The following CNTNAP5 variants were observed in gnomAD, a reference collection of about 807,000 sequenced individuals.
CNTNAP5 encodes contactin-associated protein-like 5.
In CNTNAP5, 72 loss-of-function variants were observed where a neutral mutation model predicts 150.2. The ratio of observed to expected loss-of-function variants is 0.48; its 90% CI spans 0.40 to 0.58. The LOEUF (loss-of-function observed/expected upper bound fraction) is 0.58. Ranked by LOEUF, CNTNAP5 falls within the 20% of genes least tolerant of loss-of-function variation. The pLI is 0.00. For missense variants in CNTNAP5, 1,636 were observed against 1,626.2 expected (o/e 1.01, Z -0.10); for synonymous variants, 672 against 619.8 (o/e 1.08, Z -1.25).
intron 1 of CNTNAP5, among the ~76,000 whole-genome samples, chr2:124,196,142 T>A (rs1038683515): frequency 7.9e-5 from 12 of 152,098 alleles, no homozygotes; most frequent in Admixed American, 3.9e-4. Context: ...TCAAGCTACA[T>A]GCACAATGGC....
chr2:124,129,155 T>C (rs1332523499), intron 1 of CNTNAP5, among the ~76,000 whole-genome samples: 2 of 152,126 alleles, frequency 1.3e-5, no homozygotes, highest in African/African-American at 4.8e-5. Context: ...TTGCGTTTAA[T>C]ACAACTAGAT....
At chr2:124,547,479 G>T (rs780094408) in intron 10 of CNTNAP5, among the ~76,000 whole-genome samples, 1 of 152,166 alleles carries the variant, frequency 6.6e-6, no homozygotes, top group Non-Finnish European at 1.5e-5. Context: ...ATGCAAAAGC[G>T]AGAGCCAGTA....
chr2:124,813,207 G>A (rs1682276581), intron 19 of CNTNAP5, among the ~76,000 whole-genome samples: 1 of 151,874 alleles, frequency 6.6e-6, no homozygotes, highest in South Asian at 2.1e-4. Context: ...CTCCCGAGTA[G>A]CTGGGACTAT....
intron 1 of CNTNAP5, among the ~76,000 whole-genome samples, chr2:124,203,097 T>C (rs2104712492): frequency 6.6e-6 from 1 of 152,164 alleles, no homozygotes; most frequent in African/African-American, 2.4e-5. Context: ...ACTTCCTAGA[T>C]ACAAGGGGAG....
Position 124,781,121 on chromosome 2 carries a change from A to G in CNTNAP5, c.2752+8104A>G, listed in dbSNP as rs373576140. 3.3e-5 allele frequency among the ~76,000 whole-genome samples: 5 copies of G among 152,234 alleles called. No homozygotes were observed. In the East Asian group the frequency reaches 5.8e-4, roughly 18 times the overall value. ...GTCCTTCATCCTTTTTTCCCCACTC[A>G]CATTCTTTTCCTTCCATAATTCACT... On this transcript the variant is annotated intron_variant, in intron 17 of 23. Coordinates refer to ENST00000682447, the MANE Select transcript of CNTNAP5 (RefSeq NM_001367498.1).
intron 19 of CNTNAP5, among the ~76,000 whole-genome samples, chr2:124,859,648 G>T (rs1677466499): frequency 6.6e-6 from 1 of 152,142 alleles, no homozygotes; most frequent in Non-Finnish European, 1.5e-5. Context: ...AGCAAAGACT[G>T]AGAACCAACC....
chr2:124,871,001 C>T (rs1034512418), intron 21 of CNTNAP5, among the ~76,000 whole-genome samples: 29 of 152,124 alleles, frequency 1.9e-4, no homozygotes, highest in African/African-American at 6.3e-4. Context: ...ATTTTAGTTC[C>T]CCAAATAGCA....
chr2:124,617,043 A>G (rs1161022131), intron 12 of CNTNAP5, among the ~76,000 whole-genome samples: 1 of 152,104 alleles, frequency 6.6e-6, no homozygotes, highest in Non-Finnish European at 1.5e-5. Context: ...GCCAATGTTC[A>G]GGCTCTAAGG....
At chr2:124,293,531 G>A (rs1688352741) in intron 3 of CNTNAP5, among the ~76,000 whole-genome samples, 1 of 152,140 alleles carries the variant, frequency 6.6e-6, no homozygotes. Flanking sequence ...ATAGCACTTT[G>A]TAGTAACATA....
At chr2:124,569,815 A>G (rs992007406) in intron 11 of CNTNAP5, among the ~76,000 whole-genome samples, 5 of 152,208 alleles carry the variant, frequency 3.3e-5, no homozygotes, top group Non-Finnish European at 4.4e-5. Flanking sequence ...TATTAATTTG[A>G]AGCATATCAA....
At chr2:124,573,549 T>A (rs10445861) in intron 11 of CNTNAP5, among the ~76,000 whole-genome samples, 1 of 152,064 alleles carries the variant, frequency 6.6e-6, no homozygotes, top group Admixed American at 6.6e-5. Flanking sequence ...GAATATAATT[T>A]AATTGCTGAT....
At chr2:124,492,034 A>T (rs1573410800) in intron 7 of CNTNAP5, among the ~76,000 whole-genome samples, 1 of 152,172 alleles carries the variant, frequency 6.6e-6, no homozygotes, top group East Asian at 1.9e-4. Context: ...CTTATCAGAT[A>T]GCTAGCTTGT....
intron 3 of CNTNAP5, among the ~76,000 whole-genome samples, chr2:124,292,081 T>A (rs1573895214): frequency 6.6e-6 from 1 of 152,118 alleles, no homozygotes; most frequent in Admixed American, 6.6e-5. Context: ...GACAGGAGGG[T>A]GCACCCCAGT....
chr2:124,228,800 G>A (rs1467658336), intron 2 of CNTNAP5, among the ~76,000 whole-genome samples: 1 of 151,972 alleles, frequency 6.6e-6, no homozygotes, highest in East Asian at 1.9e-4. Context: ...TCTTGTCAAG[G>A]AACATCCTGG....
chr2:124,681,513 T>G (rs141600141), intron 13 of CNTNAP5, among the ~76,000 whole-genome samples: 1 of 152,122 alleles, frequency 6.6e-6, no homozygotes, highest in African/African-American at 2.4e-5. Context: ...TCCTGGGAGT[T>G]TGCAGCTTCT....
chr2:124,269,221 ATG>A (rs1687684544), intron 3 of CNTNAP5, among the ~76,000 whole-genome samples: 2 of 152,160 alleles, frequency 1.3e-5, no homozygotes, highest in African/African-American at 4.8e-5. Context: ...AAAAATAAAA[ATG>A]TGAATCTGGT....
intron 19 of CNTNAP5, among the ~76,000 whole-genome samples, chr2:124,811,334 G>T (rs370296273): frequency 6.6e-6 from 1 of 152,238 alleles, no homozygotes; most frequent in African/African-American, 2.4e-5. Flanking sequence ...AGAGGGTGGG[G>T]CAACAGCTGC....
intron 11 of CNTNAP5, among the ~76,000 whole-genome samples, chr2:124,587,626 T>G (rs1332933838): frequency 6.6e-6 from 1 of 152,138 alleles, no homozygotes; most frequent in East Asian, 1.9e-4. Context: ...TCTCCTCGTC[T>G]TTTGGGGCCT....
chr2:124,329,651 G>A (rs1689300642), intron 3 of CNTNAP5, among the ~76,000 whole-genome samples: 1 of 152,100 alleles, frequency 6.6e-6, no homozygotes, highest in Non-Finnish European at 1.5e-5. Flanking sequence ...ATATATTTTA[G>A]TAGCTCGGTG....
Sources: allele counts gnomAD v4.1 joint callset (sites outside exome capture counted in the v4.1 genomes callset), GRCh38; gene constraint gnomAD v4.1.1; transcripts MANE v1.5; gene names NCBI Gene and HGNC (gene_info 2026-07-23, HGNC 2026-07-21).